Variants in LRP12 observed in about 807,000 individuals in gnomAD.
The protein encoded by LRP12 is LDL receptor related protein 12.
In LRP12, 14 loss-of-function variants were observed where a neutral mutation model predicts 66.0. The ratio of observed to expected loss-of-function variants is 0.21; its 90% CI spans 0.14 to 0.33. LRP12 has a LOEUF of 0.33. Among genes scored for constraint, LRP12 ranks in the 10% least tolerant of loss-of-function variants. LRP12 has a pLI of 1.00. For synonymous variants in LRP12, 357 were observed against 359.1 expected (o/e 0.99, Z 0.07); for missense variants, 889 against 1,053.4 (o/e 0.84, Z 2.16).
chr8:104,558,767 AC>A (rs1811853761), intron 1 of LRP12, among the ~76,000 whole-genome samples: 2 of 151,904 alleles, frequency 1.3e-5, no homozygotes, highest in Admixed American at 6.5e-5. Flanking sequence ...AAAAAAAAAA[AC>A]AAATAATCCT....
intron 6 of LRP12, among the ~76,000 whole-genome samples, chr8:104,494,074 C>T (rs942949730): frequency 2.0e-5 from 3 of 152,100 alleles, no homozygotes; most frequent in African/African-American, 7.2e-5. Context: ...GTACCGTGTT[C>T]TCTCTAACTT....
At chr8:104,553,279 G>A (rs1423161643) in intron 1 of LRP12, among the ~76,000 whole-genome samples, 1 of 152,188 alleles carries the variant, frequency 6.6e-6, no homozygotes, top group Non-Finnish European at 1.5e-5. Context: ...AGAAGTCTTG[G>A]CAGGGGCAGA....
At chr8:104,519,938 T>C (rs1314273378) in intron 2 of LRP12, among the ~76,000 whole-genome samples, 1 of 152,008 alleles carries the variant, frequency 6.6e-6, no homozygotes, top group Non-Finnish European at 1.5e-5. Flanking sequence ...AGGCAGGTAA[T>C]TTCTTGGTAT....
rs1810587357 is a variant in LRP12, at chr8:104,489,704, A to G, written c.*969T>C. The G allele has an allele frequency of 6.6e-6, 1 of 152,234 alleles. No individual in the cohort carries two copies. Among genetic ancestry groups the G allele is most frequent in the East Asian group, 1.9e-4 (1 of 5,202 alleles). 9.4% of individuals were successfully genotyped at this position (152,234 alleles called of 1,614,324 possible). A position where few individuals can be genotyped will look rare whatever the true frequency, so the allele number is the denominator to read the frequency against. On this transcript the variant is annotated 3_prime_UTR_variant, in exon 7 of 7. Transcript: ENST00000276654. ...ATAAAAATGTCCCCCGCCCCCAGCC[A>G]AAAGCTATGGAAATATATAGTTGCT...
At chr8:104,568,252 CA>C (rs958894445) in intron 1 of LRP12, among the ~76,000 whole-genome samples, 27 of 152,198 alleles carry the variant, frequency 1.8e-4, no homozygotes, top group African/African-American at 6.5e-4. Context: ...TACCTCACAT[CA>C]TATGCAAAAA....
At chr8:104,552,541 G>C (rs1282200514) in intron 1 of LRP12, among the ~76,000 whole-genome samples, 1 of 151,748 alleles carries the variant, frequency 6.6e-6, no homozygotes, top group Admixed American at 6.6e-5. Context: ...TCAGCAAATA[G>C]CTAACTTTTC....
At chr8:104,539,493 A>C (rs1257809958) in intron 1 of LRP12, among the ~76,000 whole-genome samples, 1 of 150,368 alleles carries the variant, frequency 6.7e-6, no homozygotes, top group Non-Finnish European at 1.5e-5. Flanking sequence ...GAAATTTTTT[A>C]AACAAAAAAA....
chr8:104,577,714 G>A (rs969459743), intron 1 of LRP12, among the ~76,000 whole-genome samples: 6 of 151,734 alleles, frequency 4.0e-5, no homozygotes, highest in African/African-American at 1.5e-4. Flanking sequence ...GGGAGGGGGA[G>A]GCAGGGGAAT....
rs900701892 is a variant in LRP12, at chr8:104,496,851, A to C, written c.1580+121T>G. The C allele has an allele frequency of 4.1e-6, 4 of 964,652 alleles. No individual in the cohort carries two copies. The African/African-American group carries it at 6.7e-5, about 16-fold the overall frequency. 59.8% of individuals were successfully genotyped at this position (964,652 alleles called of 1,614,324 possible). A position where few individuals can be genotyped will look rare whatever the true frequency, so the allele number is the denominator to read the frequency against. On this transcript the variant is annotated intron_variant, in intron 5 of 6. Transcript: ENST00000276654. ...CACGCTAATTTTATACATCATCAAC[A>C]ATCTTTATCCATTTTCTAAACTAAT...
intron 2 of LRP12, among the ~76,000 whole-genome samples, chr8:104,528,224 A>G (rs1203022902): frequency 1.3e-5 from 2 of 152,222 alleles, no homozygotes; most frequent in African/African-American, 4.8e-5. Flanking sequence ...GAGCACCGGC[A>G]AATGGAGTAG....
chr8:104,532,742 T>A (rs1588494587), intron 1 of LRP12, among the ~76,000 whole-genome samples: 1 of 152,138 alleles, frequency 6.6e-6, no homozygotes, highest in South Asian at 2.1e-4. Context: ...TTAACAACTT[T>A]TTGTTTACAA....
At chr8:104,543,408 G>T (rs1485440675) in intron 1 of LRP12, among the ~76,000 whole-genome samples, 1 of 152,050 alleles carries the variant, frequency 6.6e-6, no homozygotes, top group Non-Finnish European at 1.5e-5. Flanking sequence ...ATTGCTTTGA[G>T]GTGCCATAAC....
chr8:104,553,530 T>A (rs116645211), intron 1 of LRP12, among the ~76,000 whole-genome samples: 4,647 of 152,134 alleles, frequency 0.031, 233 homozygotes, highest in African/African-American at 0.11. Flanking sequence ...TCCTCCTGGG[T>A]ACGTAACTCC....
At chr8:104,516,556 C>G (rs1286692822) in intron 2 of LRP12, among the ~76,000 whole-genome samples, 1 of 152,088 alleles carries the variant, frequency 6.6e-6, no homozygotes, top group Non-Finnish European at 1.5e-5. Flanking sequence ...AAAGATCTCA[C>G]TGTATAGTTT....
chr8:104,497,486 C>T lies in LRP12; in HGVS notation c.1066G>A (p.Ala356Thr), dbSNP rs1434965590. 1.9e-6 allele frequency: 3 copies of T among 1,614,122 alleles called. No individual in the cohort carries two copies. Among genetic ancestry groups the T allele is most frequent in the East Asian group, 2.2e-5 (1 of 44,884 alleles). ...CCCCTTGCAGCATTCACTTTATCAG[C>T]ACAAAAATGTACCCTTATCTGTCCA... is the stretch of plus-strand genomic sequence containing the variant. ...SSGQIRVHFC[A>T]DKVNAARGFN... The change falls in exon 5 of 7, where the codon GCT (alanine) becomes ACT (threonine). Residue 356 changes from alanine (A) to threonine (T), a missense_variant. By Grantham distance (58) the Ala-to-Thr change is moderately conservative. This residue lies in a region of LRP12 where 800 missense variants were observed against 964.5 expected (regional missense o/e 0.83). Transcript: ENST00000276654. This position sits in a 1 kb window ranked among gnomAD's most constrained non-coding sequence, Gnocchi z 4.3.
intron 3 of LRP12, among the ~76,000 whole-genome samples, chr8:104,499,981 A>C (rs1242890352): frequency 6.6e-6 from 1 of 152,234 alleles, no homozygotes; most frequent in Non-Finnish European, 1.5e-5. Flanking sequence ...TTAGGAGAGT[A>C]ATTAGCACAA....
intron 1 of LRP12, among the ~76,000 whole-genome samples, chr8:104,549,360 A>G (rs537162856): frequency 1.3e-5 from 2 of 151,556 alleles, no homozygotes; most frequent in East Asian, 3.9e-4. Context: ...TGACCTACTT[A>G]GAAAACACTT....
At chr8:104,576,111 A>C (rs190865240) in intron 1 of LRP12, among the ~76,000 whole-genome samples, 180 of 152,292 alleles carry the variant, frequency 1.2e-3, no homozygotes, top group African/African-American at 4.2e-3. Flanking sequence ...CTGAGAAATA[A>C]GGGATTATGT....
rs1810677056 is a variant in LRP12, at chr8:104,493,800, G to A, written c.1713+1277C>T. Among the ~76,000 whole-genome samples the A allele has an allele frequency of 2.0e-5, 3 of 152,196 alleles. No homozygotes were observed. In the South Asian group the frequency reaches 6.2e-4, roughly 31 times the overall value. On this transcript the variant is annotated intron_variant, in intron 6 of 6. Coordinates refer to ENST00000276654, the MANE Select transcript of LRP12 (RefSeq NM_013437.5). ...ACTCCATGCATATTGTCACATATCT[G>A]TGTTCACACAGTAATGCCCTCCTGC...
Sources: gnomAD v4.1 joint callset for allele counts (sites outside exome capture counted in the v4.1 genomes callset) on GRCh38, gnomAD v4.1.1 for gene constraint, gnomAD v4.1.1 regional missense constraint, Gnocchi (gnomAD v3.1) non-coding constraint, MANE v1.5 for transcripts, NCBI Gene and HGNC (gene_info 2026-07-23, HGNC 2026-07-21) for gene names.